MASP1: variants seen among roughly 807,000 people sequenced by gnomAD.
MASP1 encodes mannan-binding lectin serine protease 1.
In MASP1, 59 loss-of-function variants were observed where a neutral mutation model predicts 77.1. That is an observed-to-expected ratio of 0.77 (90% CI 0.62 to 0.95). The LOEUF (loss-of-function observed/expected upper bound fraction) is 0.95. MASP1 is among the 40% of genes least tolerant of loss of function. The pLI, the probability that MASP1 is intolerant of heterozygous loss-of-function variation, is 0.00. For missense variants in MASP1, 885 were observed against 912.9 expected, an observed-to-expected ratio of 0.97 and a Z score of 0.39; for synonymous variants, 362 against 354.5, an observed-to-expected ratio of 1.02 and a Z score of -0.24.
chr3:187,276,256 A>G (rs1716962152), intron 2 of MASP1, among the ~76,000 whole-genome samples: 1 of 152,198 alleles, frequency 6.6e-6, no homozygotes, highest in Non-Finnish European at 1.5e-5. Flanking sequence ...ATTTTTGTCC[A>G]TAAACTTATT....
intron 13 of MASP1, chr3:187,223,239 G>C (rs1560227640): frequency 6.8e-7 from 1 of 1,466,706 alleles, no homozygotes; most frequent in East Asian, 2.3e-5. Context: ...CTATCTGTGG[G>C]GTGTTTGGAG....
rs1283746778 is a variant in MASP1 at position 187,235,404 on chromosome 3, A to G, written c.*280T>C. On this transcript the variant is annotated 3_prime_UTR_variant, in exon 11 of 11. Coordinates refer to ENST00000296280, the MANE Select transcript of MASP1 (RefSeq NM_139125.4). ...TGGAAAGGAGTGCTGGGATTGGCAC[A>G]GAGGCCTTGGTTGAGCTCCTGCATT... is the stretch of plus-strand genomic sequence containing the variant. 4 of 1,470,824 alleles carry G rather than the reference A, an allele frequency of 2.7e-6. No individual in the cohort carries two copies. The highest frequency in any genetic ancestry group is 3.6e-6 in the Non-Finnish European group (4 of 1,106,878). 91.1% of individuals were successfully genotyped at this position (1,470,824 alleles called of 1,614,324 possible). A position where few individuals can be genotyped will look rare whatever the true frequency, so the allele number is the denominator to read the frequency against.
chr3:187,273,011 C>G (rs1000871204), intron 2 of MASP1, among the ~76,000 whole-genome samples: 1 of 152,134 alleles, frequency 6.6e-6, no homozygotes, highest in Non-Finnish European at 1.5e-5. Context: ...GCCCGGGATA[C>G]GTTGAGCACT....
At chr3:187,263,844 G>T (rs182804915) in intron 2 of MASP1, among the ~76,000 whole-genome samples, 72 of 152,290 alleles carry the variant, frequency 4.7e-4, no homozygotes, top group Non-Finnish European at 8.2e-4. Flanking sequence ...AGTTTGGGAA[G>T]CTTCGTATGA....
chr3:187,284,398 A>T (rs1717678855), intron 2 of MASP1, among the ~76,000 whole-genome samples: 1 of 152,162 alleles, frequency 6.6e-6, no homozygotes, highest in Non-Finnish European at 1.5e-5. Context: ...GAAGCTAGGG[A>T]TGTTGCTAAA....
intron 9 of MASP1, 23 bp downstream of exon 9, chr3:187,243,461 A>T: frequency 1.2e-6 from 2 of 1,613,868 alleles, no homozygotes; most frequent in Non-Finnish European, 1.7e-6. Context: ...CGGGAGTGGG[A>T]TGGCTTAGCA....
In MASP1 at chr3:187,250,416, C is replaced by T. The variant is rs960193325; in HGVS notation, c.1012-87G>A. On this transcript the variant is annotated intron_variant, in intron 7 of 10. Coordinates refer to ENST00000296280, the MANE Select transcript of MASP1 (RefSeq NM_139125.4). ...TTCCTAGCAAAACCAACTCAAGCTC[C>T]ACACGTGTCTTGATCTCGACTGAGA... The T allele has an allele frequency of 2.9e-4, 267 of 931,366 alleles. No homozygotes were observed. Among genetic ancestry groups the T allele is most frequent in the Non-Finnish European group, 4.5e-4 (253 of 558,282 alleles). 57.7% of individuals were successfully genotyped at this position (931,366 alleles called of 1,614,324 possible).
chr3:187,278,990 C>G (rs893016636), intron 2 of MASP1, among the ~76,000 whole-genome samples: 1 of 152,010 alleles, frequency 6.6e-6, no homozygotes, highest in Non-Finnish European at 1.5e-5. Context: ...CACCCCTCCG[C>G]CACATCACAG....
In MASP1 at chr3:187,253,209, G is replaced by T; in HGVS notation, c.851C>A (p.Ser284Ter). 6.2e-7 allele frequency: 1 copy of T among 1,614,142 alleles called. No homozygotes were observed. Among genetic ancestry groups the T allele is most frequent in the Non-Finnish European group, 8.5e-7 (1 of 1,180,004 alleles). The change falls in exon 6 of 11, where the codon TCG becomes TAG. Residue 284 changes from serine (S) to a stop codon, truncating the protein, a stop_gained. Coordinates refer to ENST00000296280, the MANE Select transcript of MASP1 (RefSeq NM_139125.4). LOFTEE classifies it high-confidence loss of function. ...SVLILFHSDNSGENRGWRLSY... is the reference protein window; with the variant it reads ...SVLILFHSDN ...GAGCCTCCAGCCCCGGTTCTCTCCC[G>T]AGTTGTCACTATGGAACAGGATCAG...
In MASP1 at chr3:187,285,936, A is replaced by G. The variant is rs776052955; in HGVS notation, c.126T>C (p.Ser42=). 6.2e-7 allele frequency: 1 copy of G among 1,614,198 alleles called. No homozygotes were observed. Among genetic ancestry groups the G allele is most frequent in the Non-Finnish European group, 8.5e-7 (1 of 1,180,020 alleles). ...TGATATTCCAAGTCACCTCTGAATC[A>G]CTGGGATAGGAGTCTGGATAACCAG... ...QSPGYPDSYP[S]DSEVTWNITV... Residue 42 remains serine, a synonymous_variant, in exon 2 of 11, where the codon AGT becomes AGC. Transcript: ENST00000296280.
chr3:187,222,989 G>T (rs938349986), intron 14 of MASP1: 2 of 730,232 alleles, frequency 2.7e-6, no homozygotes, highest in Non-Finnish European at 4.9e-6. Flanking sequence ...TTGAACTTTG[G>T]AGGTGGGTCT....
intron 14 of MASP1, among the ~76,000 whole-genome samples, chr3:187,222,466 T>C (rs1318025847): frequency 6.6e-6 from 1 of 152,036 alleles, no homozygotes; most frequent in African/African-American, 2.4e-5. Flanking sequence ...CAAAATAATA[T>C]ATGTGGAAGA....
chr3:187,232,627 T>C (rs534168445), downstream of MASP1, among the ~76,000 whole-genome samples: 16 of 152,272 alleles, frequency 1.1e-4, no homozygotes, highest in South Asian at 3.3e-3. Flanking sequence ...GAGCTGCTGG[T>C]AAATCCCTAG....
downstream of MASP1, among the ~76,000 whole-genome samples, chr3:187,232,552 A>C (rs984008122): frequency 6.6e-6 from 1 of 152,116 alleles, no homozygotes; most frequent in African/African-American, 2.4e-5. Context: ...GATGTCTGCT[A>C]ATGTCTGAAT....
chr3:187,256,402 C>T (rs142353007), intron 5 of MASP1, among the ~76,000 whole-genome samples: 72 of 152,318 alleles, frequency 4.7e-4, no homozygotes, highest in African/African-American at 1.6e-3. Flanking sequence ...TGGGCGTGCC[C>T]GCCAGAGACC....
At chr3:187,222,269 T>C (rs950537298) in intron 14 of MASP1, among the ~76,000 whole-genome samples, 5 of 152,170 alleles carry the variant, frequency 3.3e-5, no homozygotes, top group African/African-American at 1.2e-4. Flanking sequence ...ATCACATCCA[T>C]AACTACTTTC....
rs535768667 is a variant in MASP1, at chr3:187,240,544, A to G, written c.1303+937T>C. ...TTAACTTTTTGTGGATTATTTGTTT[A>G]ACCGTAGAGTGTGCATTTTGGGGCT... On this transcript the variant is annotated intron_variant, in intron 10 of 10. Coordinates refer to ENST00000296280, the MANE Select transcript of MASP1 (RefSeq NM_139125.4). 2.6e-5 allele frequency among the ~76,000 whole-genome samples: 4 copies of G among 152,280 alleles called. No homozygotes were observed. In the South Asian group the frequency reaches 6.2e-4, roughly 24 times the overall value.
chr3:187,235,441 T>A lies in MASP1; in HGVS notation c.*243A>T. ...TGAGCTCCTGCATTGTATTACTCGG[T>A]AGAGTGAGGCCCAGACAGGGAAAGA... On this transcript the variant is annotated 3_prime_UTR_variant, in exon 11 of 11. Transcript: ENST00000296280. 6.6e-7 allele frequency: 1 copy of A among 1,505,884 alleles called. No individual in the cohort carries two copies. Among genetic ancestry groups the A allele is most frequent in the Non-Finnish European group, 8.9e-7 (1 of 1,129,124 alleles). 93.3% of individuals were successfully genotyped at this position (1,505,884 alleles called of 1,614,324 possible).
intron 2 of MASP1, among the ~76,000 whole-genome samples, chr3:187,278,317 C>T (rs1447985660): frequency 6.6e-6 from 1 of 152,210 alleles, no homozygotes; most frequent in Non-Finnish European, 1.5e-5. Context: ...ACCCTCATGT[C>T]ATTCAAATCC....
Sources: allele counts gnomAD v4.1 joint callset (sites outside exome capture counted in the v4.1 genomes callset), GRCh38; gene constraint gnomAD v4.1.1; transcripts MANE v1.5; gene names NCBI Gene and HGNC (gene_info 2026-07-23, HGNC 2026-07-21).